ABHD2: variants seen among roughly 807,000 people sequenced by gnomAD.
ABHD2 encodes the protein abhydrolase domain containing 2, acylglycerol lipase, also known as monoacylglycerol lipase ABHD2.
ABHD2 carries 20 observed loss-of-function variants against 48.1 expected under a neutral mutation model. The ratio of observed to expected loss-of-function variants is 0.42; its 90% CI spans 0.29 to 0.60. The LOEUF (loss-of-function observed/expected upper bound fraction) is 0.60, where lower values mean the gene tolerates loss of function less well. ABHD2 is among the 20% of genes least tolerant of loss of function. The probability of loss-of-function intolerance (pLI) is 0.24; values close to 1 mark genes in which losing one functional copy is unlikely to be tolerated. For synonymous variants in ABHD2, 209 were observed against 214.2 expected, an observed-to-expected ratio of 0.98 and a Z score of 0.21; for missense variants, 405 against 550.9, an observed-to-expected ratio of 0.74 and a Z score of 2.65.
At chr15:89,130,658 C>A (rs561520542) in intron 3 of ABHD2, among the ~76,000 whole-genome samples, 7 of 152,282 alleles carry the variant, frequency 4.6e-5, no homozygotes, top group Admixed American at 1.3e-4. Context: ...GCTTGTCCAG[C>A]CCATAGCCCA....
intron 5 of ABHD2, among the ~76,000 whole-genome samples, chr15:89,165,291 A>G (rs909728502): frequency 6.6e-6 from 1 of 152,016 alleles, no homozygotes; most frequent in Non-Finnish European, 1.5e-5. Flanking sequence ...CTTCTAAAAA[A>G]TGTTTTTTTT....
the ABHD2 span, among the ~76,000 whole-genome samples, chr15:89,048,952 T>A: frequency 6.7e-6 from 1 of 149,376 alleles, no homozygotes; most frequent in Non-Finnish European, 1.5e-5. Context: ...TTGGAGGAGG[T>A]GAGGCGCTCT....
At chr15:89,187,565 G>C (rs1013458914) in intron 7 of ABHD2, among the ~76,000 whole-genome samples, 3 of 152,062 alleles carry the variant, frequency 2.0e-5, no homozygotes, top group Non-Finnish European at 4.4e-5. Flanking sequence ...AAAAATGCAC[G>C]TTGTGACCCC....
intron 3 of ABHD2, among the ~76,000 whole-genome samples, chr15:89,139,601 A>G (rs2050370798): frequency 6.6e-6 from 1 of 152,190 alleles, no homozygotes; most frequent in Non-Finnish European, 1.5e-5. Flanking sequence ...CGGACCTGAT[A>G]ACATCTTTGG....
the ABHD2 span, among the ~76,000 whole-genome samples, chr15:89,069,430 AAAATTCACACACAAGACAGTAAAT>A: frequency 6.6e-6 from 1 of 152,034 alleles, no homozygotes; most frequent in Non-Finnish European, 1.5e-5. Context: ...TTTAAGTTGT[AAAATTCACACACAAGACAGTAAAT>A]ATAATTTAGT....
intron 3 of ABHD2, among the ~76,000 whole-genome samples, chr15:89,119,072 C>T (rs1415860038): frequency 6.6e-6 from 1 of 152,136 alleles, no homozygotes; most frequent in Non-Finnish European, 1.5e-5. Flanking sequence ...CACCCTCTCT[C>T]CTGGTGAAGC....
At chr15:89,042,631 T>C in the ABHD2 span, among the ~76,000 whole-genome samples, 5 of 138,156 alleles carry the variant, frequency 3.6e-5, no homozygotes, top group African/African-American at 1.3e-4. Context: ...TATTTATTTA[T>C]TTTGGAGACT....
At position 89,172,033 on chromosome 15, in the gene ABHD2, TA is replaced by T. The variant is rs71149278; in HGVS notation, c.539-3771del. 8.2e-3 allele frequency among the ~76,000 whole-genome samples: 1,231 copies of T among 150,498 alleles called. 10 individuals carry two copies. Among genetic ancestry groups the T allele is most frequent in the Non-Finnish European group, 0.012 (819 of 67,498 alleles). On this transcript the variant is annotated intron_variant, in intron 5 of 10. Transcript: ENST00000352732. ...ATAAATATTTTTCCTGCTTTTTTTT[TA>T]AAAAAAATCCCCAGGTGATTCTAAT... is the stretch of plus-strand genomic sequence containing the variant.
Position 89,185,227 on chromosome 15 carries a change from G to T in ABHD2, c.723-197G>T, listed in dbSNP as rs1009827235. On this transcript the variant is annotated intron_variant, in intron 6 of 10. Coordinates refer to ENST00000352732, the MANE Select transcript of ABHD2 (RefSeq NM_152924.5). The surrounding 1 kb of genome is among the most constrained non-coding windows in gnomAD (Gnocchi z 5.9). ...CTTTGCCGGGGTCCCCTTCCCCTGC[G>T]CTGTCTTGGTGTCTCCATAGATTTC... Among the ~76,000 whole-genome samples, 16 of 152,184 alleles carry T rather than the reference G, an allele frequency of 1.1e-4. No individual in the cohort carries two copies. The highest frequency in any genetic ancestry group is 1.4e-4 in the African/African-American group (6 of 41,438).
chr15:89,172,233 A>G (rs191271261), intron 5 of ABHD2, among the ~76,000 whole-genome samples: 2 of 152,300 alleles, frequency 1.3e-5, no homozygotes, highest in African/African-American at 4.8e-5. Flanking sequence ...TTTGCAGCCA[A>G]TCTCCAGAAT....
At chr15:89,049,567 C>A in the ABHD2 span, among the ~76,000 whole-genome samples, 3 of 152,244 alleles carry the variant, frequency 2.0e-5, no homozygotes, top group African/African-American at 7.2e-5. Context: ...ACCCTCTGAG[C>A]CAGGTGTGGG....
Position 89,189,834 on chromosome 15 carries a change from C to T in ABHD2, c.927-1246C>T, listed in dbSNP as rs530235501. Among the ~76,000 whole-genome samples, 22 of 152,188 alleles carry T rather than the reference C, an allele frequency of 1.4e-4. No individual in the cohort carries two copies. The highest frequency in any genetic ancestry group is 5.3e-4 in the African/African-American group (22 of 41,506). ...CCATTCATCTCCTAAATTTTTTAAG[C>T]CCAGAAGAGAATGTTTCTCAACACT... On this transcript the variant is annotated intron_variant, in intron 8 of 10. Transcript: ENST00000352732. This position sits in a 1 kb window ranked among gnomAD's most constrained non-coding sequence, Gnocchi z 4.9.
the ABHD2 span, among the ~76,000 whole-genome samples, chr15:89,050,921 A>G: frequency 2.4e-4 from 36 of 152,156 alleles, no homozygotes; most frequent in Non-Finnish European, 4.6e-4. Flanking sequence ...CCTGGGCTAA[A>G]ATCTGGAAGA....
chr15:89,127,729 A>ATATATATATATATATATATATATATATG (rs2050157478), intron 3 of ABHD2, among the ~76,000 whole-genome samples: 1 of 144,698 alleles, frequency 6.9e-6, no homozygotes, highest in African/African-American at 2.6e-5. Flanking sequence ...ACACATATAT[A>ATATATATATATATATATATATATATATG]TATATATATA....
intron 1 of ABHD2, among the ~76,000 whole-genome samples, chr15:89,112,128 G>T (rs2049885284): frequency 6.6e-6 from 1 of 152,124 alleles, no homozygotes. Context: ...CTAATAGGGA[G>T]TGGTGGGGAC....
At chr15:89,099,415 C>T (rs2049664987) in intron 1 of ABHD2, among the ~76,000 whole-genome samples, 1 of 151,926 alleles carries the variant, frequency 6.6e-6, no homozygotes, top group East Asian at 1.9e-4. Context: ...GCCTGGAAAA[C>T]ATAGTGAGAC....
rs941672817 is a variant in ABHD2 at position 89,174,790 on chromosome 15, G to C, written c.539-1022G>C. Among the ~76,000 whole-genome samples the C allele has an allele frequency of 3.3e-5, 5 of 152,172 alleles. No homozygotes were observed. Among genetic ancestry groups the C allele is most frequent in the Non-Finnish European group, 7.3e-5 (5 of 68,030 alleles). On this transcript the variant is annotated intron_variant, in intron 5 of 10. Coordinates refer to ENST00000352732, the MANE Select transcript of ABHD2 (RefSeq NM_152924.5). This position sits in a 1 kb window ranked among gnomAD's most constrained non-coding sequence, Gnocchi z 4.1. Reference sequence around the variant, plus strand: ...TTGAGGTTGGGCCTTAGAAGGATGTGATGAATCCCTTCACTTGTAATATGG... The same window carrying C: ...TTGAGGTTGGGCCTTAGAAGGATGTCATGAATCCCTTCACTTGTAATATGG...
At position 89,197,939 on chromosome 15, in the gene ABHD2, A is replaced by T. The variant is rs771701934; in HGVS notation, c.*2516A>T. ...CAGGCTCTTAGGCATGGAAATGAGAATGTGACTGTGGCTGTCTTACAGGAA... is the reference window on the plus strand; with the variant it reads ...CAGGCTCTTAGGCATGGAAATGAGATTGTGACTGTGGCTGTCTTACAGGAA... On this transcript the variant is annotated 3_prime_UTR_variant, in exon 11 of 11. Coordinates refer to ENST00000352732, the MANE Select transcript of ABHD2 (RefSeq NM_152924.5). The surrounding 1 kb of genome is among the most constrained non-coding windows in gnomAD (Gnocchi z 4.4). 3 of 152,240 alleles carry T rather than the reference A, an allele frequency of 2.0e-5. No individual in the cohort carries two copies. Among genetic ancestry groups the T allele is most frequent in the Admixed American group, 6.5e-5 (1 of 15,288 alleles). The allele number at this position is 152,240 out of a possible 1,614,324, so 9.4% of individuals were successfully genotyped here.
At position 89,120,190 on chromosome 15, in the gene ABHD2, C is replaced by G. The variant is rs962766414; in HGVS notation, c.194+3669C>G. 1.5e-4 allele frequency among the ~76,000 whole-genome samples: 23 copies of G among 152,148 alleles called. No homozygotes were observed. Among genetic ancestry groups the G allele is most frequent in the Admixed American group, 1.2e-3 (19 of 15,274 alleles). On this transcript the variant is annotated intron_variant, in intron 3 of 10. Transcript: ENST00000352732. This position sits in a 1 kb window ranked among gnomAD's most constrained non-coding sequence, Gnocchi z 4.2. ...AAAATCTGTTCTAAGATGATTTACC[C>G]AAAGATACATTATAAATTAATCTTT...
Sources: allele counts gnomAD v4.1 joint callset (sites outside exome capture counted in the v4.1 genomes callset), GRCh38; gene constraint gnomAD v4.1.1; non-coding constraint Gnocchi (gnomAD v3.1); transcripts MANE v1.5; gene names NCBI Gene and HGNC (gene_info 2026-07-23, HGNC 2026-07-21).